The following MLXIP variants were observed in gnomAD, a reference collection of about 807,000 sequenced individuals.
MLXIP encodes the protein MLX-interacting protein.
In MLXIP, 30 loss-of-function variants were observed where a neutral mutation model predicts 87.2. The observed-to-expected ratio is 0.34, with a 90% CI of 0.26 to 0.47. The LOEUF is 0.47. Among genes scored for constraint, MLXIP ranks in the 20% least tolerant of loss-of-function variants. The pLI, the probability that MLXIP is intolerant of heterozygous loss-of-function variation, is 1.00. For missense variants in MLXIP, 1,002 were observed against 1,240.1 expected, an observed-to-expected ratio of 0.81 and a Z score of 2.88; for synonymous variants, 530 against 514.0, an observed-to-expected ratio of 1.03 and a Z score of -0.42.
chr12:122,140,642 T>C (rs1469600319), intron 15 of MLXIP, among the ~76,000 whole-genome samples: 1 of 152,180 alleles, frequency 6.6e-6, no homozygotes, highest in Non-Finnish European at 1.5e-5. Context: ...CCTGGCACTG[T>C]ATGTAAGAAC....
intron 1 of MLXIP, among the ~76,000 whole-genome samples, chr12:122,086,030 G>C (rs1178816258): frequency 3.3e-5 from 5 of 152,198 alleles, no homozygotes; most frequent in African/African-American, 1.2e-4. Context: ...GAGAGAACCA[G>C]AGAGTGAGCA....
At chr12:122,094,941 T>C (rs1952326513) in intron 1 of MLXIP, among the ~76,000 whole-genome samples, 1 of 147,610 alleles carries the variant, frequency 6.8e-6, no homozygotes, top group Admixed American at 6.7e-5. Flanking sequence ...TGTGTGATTG[T>C]GTGGTGTATT....
intron 1 of MLXIP, among the ~76,000 whole-genome samples, chr12:122,104,885 T>C (rs977358449): frequency 1.3e-5 from 2 of 152,138 alleles, no homozygotes; most frequent in Non-Finnish European, 2.9e-5. Context: ...CGGCCAGCCT[T>C]TTTTCTTGTA....
intron 1 of MLXIP, among the ~76,000 whole-genome samples, chr12:122,094,755 GTGTA>G (rs1236017091): frequency 1.4e-5 from 2 of 147,510 alleles, no homozygotes; most frequent in East Asian, 4.1e-4. Flanking sequence ...GTGTGGGTGT[GTGTA>G]TGCGGTGTCT....
intron 1 of MLXIP, among the ~76,000 whole-genome samples, chr12:122,080,880 T>C (rs1488625133): frequency 6.6e-6 from 1 of 152,216 alleles, no homozygotes; most frequent in Non-Finnish European, 1.5e-5. Context: ...ATGTATCTTA[T>C]TAAGAAAACT....
chr12:122,134,214 T>TC, intron 9 of MLXIP: 1 of 611,028 alleles, frequency 1.6e-6, no homozygotes, highest in East Asian at 3.1e-5. Flanking sequence ...GGTTTTTTTT[T>TC]TTTTGAGACA....
At chr12:122,104,405 C>G (rs550128719) in intron 1 of MLXIP, among the ~76,000 whole-genome samples, 2 of 152,112 alleles carry the variant, frequency 1.3e-5, no homozygotes, top group African/African-American at 4.8e-5. Context: ...CCTTGTGTCT[C>G]GCTTCCTTTG....
chr12:122,104,234 CAT>C (rs1740805010), intron 1 of MLXIP, among the ~76,000 whole-genome samples: 1 of 152,238 alleles, frequency 6.6e-6, no homozygotes, highest in Non-Finnish European at 1.5e-5. Flanking sequence ...TGTATGCACA[CAT>C]GTGACCACTG....
chr12:122,119,175 CAAACA>C (rs146505466), intron 1 of MLXIP, among the ~76,000 whole-genome samples: 9,928 of 151,218 alleles, frequency 0.066, 411 homozygotes, highest in African/African-American at 0.11. Flanking sequence ...CTCAAAAAAA[CAAACA>C]AAACAAAACA....
chr12:122,078,776 CG>C lies in MLXIP; in HGVS notation c.-75del, dbSNP rs1593049244. 1.4e-5 allele frequency: 14 copies of C among 1,017,826 alleles called. No individual in the cohort carries two copies. The highest frequency in any genetic ancestry group is 1.6e-5 in the Non-Finnish European group (14 of 852,304). 63.0% of individuals were successfully genotyped at this position (1,017,826 alleles called of 1,614,324 possible). On this transcript the variant is annotated 5_prime_UTR_variant, in exon 1 of 17. Transcript: ENST00000319080. Reference sequence around the variant, plus strand: ...CGGACAGTCGGCGCGCGGGCCGGGCCGGGCCGGCGCCCCTCTGCCTCGCGCG... The same window carrying C: ...CGGACAGTCGGCGCGCGGGCCGGGCCGGCCGGCGCCCCTCTGCCTCGCGCG...
chr12:122,097,021 C>T (rs570780808), intron 1 of MLXIP, among the ~76,000 whole-genome samples: 22 of 152,296 alleles, frequency 1.4e-4, no homozygotes, highest in Admixed American at 9.2e-4. Context: ...AGATTGAGTC[C>T]GGAGATGCCG....
chr12:122,124,726 AT>A (rs997028360), intron 1 of MLXIP, among the ~76,000 whole-genome samples: 291 of 149,872 alleles, frequency 1.9e-3, no homozygotes, highest in Non-Finnish European at 3.4e-3. Context: ...AATCAAAACA[AT>A]TTTTTTTTTA....
rs1192987786 is a variant in MLXIP at position 122,130,132 on chromosome 12, T to C, written c.910+20T>C. On this transcript the variant is annotated intron_variant, in intron 6 of 16. Coordinates refer to ENST00000319080, the MANE Select transcript of MLXIP (RefSeq NM_014938.6). ...AAATAGGTAACCCAAACCAGGGCCT[T>C]GGGCTTTGAACAGCCAGCCGCTTCC... 6.2e-7 allele frequency: 1 copy of C among 1,606,494 alleles called. No homozygotes were observed. Among genetic ancestry groups the C allele is most frequent in the African/African-American group, 1.3e-5 (1 of 74,890 alleles).
rs1953029976 is a variant in MLXIP at position 122,133,806 on chromosome 12, A to G, written c.1551A>G (p.Ser517=). The G allele has an allele frequency of 1.9e-6, 3 of 1,612,990 alleles. No homozygotes were observed. The highest frequency in any genetic ancestry group is 1.7e-5 in the Admixed American group (1 of 59,908). ...LVITTHHPAP[S]AAPCGLALSP... ...TCACCACCCATCACCCTGCCCCGTC[A>G]GCGGCCCCTTGTGGGCTGGCACTGT... The change falls in exon 9 of 17, where the codon TCA becomes TCG. Residue 517 remains serine (S), a synonymous_variant. Transcript: ENST00000319080. The surrounding 1 kb of genome is among the most constrained non-coding windows in gnomAD (Gnocchi z 4.9).
chr12:122,139,550 T>C (rs189426892), intron 15 of MLXIP, among the ~76,000 whole-genome samples: 6 of 152,302 alleles, frequency 3.9e-5, no homozygotes, highest in African/African-American at 1.2e-4. Context: ...GACCGTGGCA[T>C]TGGGGCAAGG....
Position 122,135,582 on chromosome 12 carries a change from C to G in MLXIP, c.1948C>G (p.Pro650Ala). Residue 650 changes from proline (P) to alanine (A), a missense_variant, in exon 11 of 17, where the codon CCA becomes GCA. Pro to Ala is a conservative substitution (Grantham distance 27, BLOSUM62 -1). This residue lies in a region of MLXIP where 746 missense variants were observed against 897.0 expected (regional missense o/e 0.83). Coordinates refer to ENST00000319080, the MANE Select transcript of MLXIP (RefSeq NM_014938.6). The surrounding 1 kb of genome is among the most constrained non-coding windows in gnomAD (Gnocchi z 5.3). ...GCCTGCCCCCGTCTCCCGGCTCTTCCCAAGCACAGCGCAAGACCCCCTGGG... is the reference window on the plus strand; with the variant it reads ...GCCTGCCCCCGTCTCCCGGCTCTTCGCAAGCACAGCGCAAGACCCCCTGGG... ...SPPAPVSRLF[P>A]STAQDPLGKG... The G allele has an allele frequency of 1.9e-6, 3 of 1,594,250 alleles. No individual in the cohort carries two copies. The highest frequency in any genetic ancestry group is 2.6e-6 in the Non-Finnish European group (3 of 1,171,306).
chr12:122,113,665 A>G (rs1244398854), intron 1 of MLXIP, among the ~76,000 whole-genome samples: 1 of 147,736 alleles, frequency 6.8e-6, no homozygotes, highest in African/African-American at 2.5e-5. Context: ...AACAGTCCAT[A>G]TAACTGCCTT....
In MLXIP at chr12:122,137,625, AGGG is replaced by A. The variant is rs1953117659; in HGVS notation, c.2154+37_2154+39del. 6.2e-7 allele frequency: 1 copy of A among 1,607,820 alleles called. No homozygotes were observed. The highest frequency in any genetic ancestry group is 1.1e-5 in the South Asian group (1 of 90,186). ...GTCTCCTCTTGGTTCCCTTGGGAGG[AGGG>A]GAGAGGAGTGCAGGACATCAAGGAT... On this transcript the variant is annotated intron_variant, in intron 12 of 16. Coordinates refer to ENST00000319080, the MANE Select transcript of MLXIP (RefSeq NM_014938.6). The surrounding 1 kb of genome is among the most constrained non-coding windows in gnomAD (Gnocchi z 4.1).
At chr12:122,131,908 G>C (rs1261491920) in intron 7 of MLXIP, among the ~76,000 whole-genome samples, 1 of 142,912 alleles carries the variant, frequency 7.0e-6, no homozygotes, top group Non-Finnish European at 1.5e-5. Flanking sequence ...GTTGTGGTTG[G>C]CACCTTTTTT....
Sources: allele counts gnomAD v4.1 joint callset (sites outside exome capture counted in the v4.1 genomes callset), GRCh38; gene constraint gnomAD v4.1.1; regional missense constraint gnomAD v4.1.1; non-coding constraint Gnocchi (gnomAD v3.1); transcripts MANE v1.5; gene names NCBI Gene and HGNC (gene_info 2026-07-23, HGNC 2026-07-21).